ST13: variants seen among roughly 807,000 people sequenced by gnomAD.
ST13 encodes the protein hsc70-interacting protein.
A neutral mutation model predicts 56.7 loss-of-function variants in ST13; 23 were observed. The ratio of observed to expected loss-of-function variants is 0.41; its 90% CI spans 0.29 to 0.57. The LOEUF (loss-of-function observed/expected upper bound fraction) is 0.57. Among genes scored for constraint, ST13 ranks in the 20% least tolerant of loss-of-function variants. The probability of loss-of-function intolerance (pLI) is 0.36; values close to 1 mark genes in which losing one functional copy is unlikely to be tolerated. For missense variants in ST13, 369 were observed against 459.9 expected, an observed-to-expected ratio of 0.80 and a Z score of 1.81; for synonymous variants, 132 against 142.4, an observed-to-expected ratio of 0.93 and a Z score of 0.52.
intron 11 of ST13, 145 bp from the exon 12 acceptor site, chr22:40,826,811 A>C (rs2057730755): frequency 1.4e-5 from 14 of 996,318 alleles, no homozygotes; most frequent in Admixed American, 2.7e-5. Flanking sequence ...AAGTATCAAA[A>C]TCAAGCTGAA....
At chr22:40,843,261 A>T (rs570589235) in intron 4 of ST13, among the ~76,000 whole-genome samples, 45 of 152,354 alleles carry the variant, frequency 3.0e-4, no homozygotes, top group African/African-American at 1.1e-3. Context: ...CCCGAACTTG[A>T]TTTAGATTTA....
At chr22:40,855,379 T>C (rs562939874) in intron 1 of ST13, among the ~76,000 whole-genome samples, 15 of 152,312 alleles carry the variant, frequency 9.8e-5, no homozygotes, top group Admixed American at 5.9e-4. Flanking sequence ...TGCCCAGGAA[T>C]TGGAGGCTGC....
chr22:40,842,871 G>A (rs1424752107), intron 4 of ST13, among the ~76,000 whole-genome samples: 2 of 152,182 alleles, frequency 1.3e-5, no homozygotes, highest in Non-Finnish European at 2.9e-5. Context: ...CAAGACTTAC[G>A]TCAGGTGCAG....
intron 7 of ST13, 156 bp downstream of exon 7, chr22:40,835,404 A>G (rs2057772479): frequency 9.6e-6 from 5 of 520,592 alleles, no homozygotes; most frequent in Non-Finnish European, 1.7e-5. Context: ...CCTTTTAAGC[A>G]GCTGTCTACA....
At chr22:40,846,022 T>C (rs9607748) in intron 3 of ST13, among the ~76,000 whole-genome samples, 5,432 of 152,242 alleles carry the variant, frequency 0.036, 134 homozygotes, top group Non-Finnish European at 0.055. Flanking sequence ...CCGTAACCTC[T>C]GCCTCCCAGG....
Position 40,844,744 on chromosome 22 carries a change from C to T in ST13, c.315+95G>A, listed in dbSNP as rs139472990. The T allele has an allele frequency of 2.4e-5, 25 of 1,046,664 alleles. No individual in the cohort carries two copies. In the African/African-American group the frequency reaches 2.7e-4, roughly 11 times the overall value. 64.8% of individuals were successfully genotyped at this position (1,046,664 alleles called of 1,614,324 possible). Reference sequence around the variant, plus strand: ...TGAAGTCAGAGAAAGATTTACTATGCGCTTTTCCTGGAAGAATCGTGTCAT... The same window carrying T: ...TGAAGTCAGAGAAAGATTTACTATGTGCTTTTCCTGGAAGAATCGTGTCAT... On this transcript the variant is annotated intron_variant, in intron 4 of 11. Transcript: ENST00000216218.
intron 2 of ST13, among the ~76,000 whole-genome samples, chr22:40,849,991 A>C (rs1689808601): frequency 6.6e-6 from 1 of 151,832 alleles, no homozygotes; most frequent in Non-Finnish European, 1.5e-5. Context: ...TGGGCCAGGC[A>C]TGGTGGCTCA....
At position 40,856,329 on chromosome 22, in the gene ST13, C is replaced by A. The variant is rs1020412840; in HGVS notation, c.110+102G>T. Reference sequence around the variant, plus strand: ...CTCCCTTTCCCGGGCAAAGAAGGGGCAGCGACCCCGCCTCGCCCGCCGGAC... The same window carrying A: ...CTCCCTTTCCCGGGCAAAGAAGGGGAAGCGACCCCGCCTCGCCCGCCGGAC... On this transcript the variant is annotated intron_variant, in intron 1 of 11. Transcript: ENST00000216218. 150 of 1,015,434 alleles carry A rather than the reference C, an allele frequency of 1.5e-4. 1 individual carries two copies. In the Admixed American group the frequency reaches 2.8e-3, roughly 19 times the overall value. The allele number at this position is 1,015,434 out of a possible 1,614,324, so 62.9% of individuals were successfully genotyped here. A position where few individuals can be genotyped will look rare whatever the true frequency, so the allele number is the denominator to read the frequency against.
At chr22:40,842,090 A>C (rs1012567639) in intron 4 of ST13, among the ~76,000 whole-genome samples, 3 of 152,212 alleles carry the variant, frequency 2.0e-5, no homozygotes, top group African/African-American at 7.2e-5. Flanking sequence ...TTCCCCTGAA[A>C]ATTCAGAGCC....
chr22:40,855,358 A>G (rs1430298829), intron 1 of ST13, among the ~76,000 whole-genome samples: 1 of 152,192 alleles, frequency 6.6e-6, no homozygotes, highest in East Asian at 1.9e-4. Context: ...CTGATGCAGG[A>G]GGATCGCTTG....
intron 1 of ST13, among the ~76,000 whole-genome samples, chr22:40,851,986 G>A (rs760824642): frequency 1.7e-4 from 26 of 152,096 alleles, no homozygotes; most frequent in African/African-American, 5.8e-4. Flanking sequence ...CTCGTAATCC[G>A]CCAGCCTTGG....
Position 40,848,298 on chromosome 22 carries a change from ATCACTTTCC to A in ST13, c.231_239del (p.Glu77_Ser79del). ...AACTAACTACCGTCTCCTCACCTAGATCACTTTCCTCACTTGATGGTTCGTCTGCCTTTA... is the reference window on the plus strand; with the variant it reads ...AACTAACTACCGTCTCCTCACCTAGATCACTTGATGGTTCGTCTGCCTTTA... On this transcript the variant is annotated inframe_deletion, in exon 3 of 12. Coordinates refer to ENST00000216218, the MANE Select transcript of ST13 (RefSeq NM_003932.5). 1 of 1,612,064 alleles carries A rather than the reference ATCACTTTCC, an allele frequency of 6.2e-7. No homozygotes were observed.
Position 40,856,588 on chromosome 22 carries a change from G to C in ST13, c.-48C>G. ...CTGGGGGGGCTACGGCCCGGTTCCA[G>C]GCCCAGGCGCTGGCTCGGCGTGACC... On this transcript the variant is annotated 5_prime_UTR_variant, in exon 1 of 12. Transcript: ENST00000216218. 6.5e-7 allele frequency: 1 copy of C among 1,530,968 alleles called. No homozygotes were observed. The highest frequency in any genetic ancestry group is 9.0e-7 in the Non-Finnish European group (1 of 1,107,508). The allele number at this position is 1,530,968 out of a possible 1,614,324, so 94.8% of individuals were successfully genotyped here. A position where few individuals can be genotyped will look rare whatever the true frequency, so the allele number is the denominator to read the frequency against.
rs559117236 is a variant in ST13 at position 40,856,588 on chromosome 22, G to A, written c.-48C>T. The A allele has an allele frequency of 3.9e-6, 6 of 1,530,968 alleles. No homozygotes were observed. The African/African-American group carries it at 6.8e-5, about 17-fold the overall frequency. The allele number at this position is 1,530,968 out of a possible 1,614,324, so 94.8% of individuals were successfully genotyped here. The stretch of plus-strand genomic sequence containing the variant: ...CTGGGGGGGCTACGGCCCGGTTCCA[G>A]GCCCAGGCGCTGGCTCGGCGTGACC... On this transcript the variant is annotated 5_prime_UTR_variant, in exon 1 of 12. Transcript: ENST00000216218.
chr22:40,839,175 T>G (rs1038809878), intron 5 of ST13, among the ~76,000 whole-genome samples: 1 of 152,192 alleles, frequency 6.6e-6, no homozygotes, highest in Non-Finnish European at 1.5e-5. Context: ...TATAAAACAG[T>G]ATAAACATGT....
intron 2 of ST13, 36 bp downstream of exon 2, chr22:40,850,787 T>G (rs770477707): frequency 2.6e-6 from 4 of 1,517,898 alleles, no homozygotes. Flanking sequence ...CTTATAGTAC[T>G]TTATCACAAA....
At chr22:40,831,339 G>A (rs868524787) in intron 8 of ST13, among the ~76,000 whole-genome samples, 4 of 152,276 alleles carry the variant, frequency 2.6e-5, no homozygotes, top group South Asian at 2.1e-4. Flanking sequence ...GTCTGCCGTG[G>A]GAAGGCAGAG....
chr22:40,842,992 T>C (rs2057811848), intron 4 of ST13, among the ~76,000 whole-genome samples: 1 of 152,156 alleles, frequency 6.6e-6, no homozygotes, highest in South Asian at 2.1e-4. Flanking sequence ...TGGTGGTGCA[T>C]GACTATAGTC....
chr22:40,847,847 G>T (rs746643618), intron 3 of ST13, among the ~76,000 whole-genome samples: 2 of 152,052 alleles, frequency 1.3e-5, no homozygotes, highest in African/African-American at 4.8e-5. Flanking sequence ...AGGAGTTCGA[G>T]GCCAGCCTTG....
Sources: allele counts gnomAD v4.1 joint callset (sites outside exome capture counted in the v4.1 genomes callset), GRCh38; gene constraint gnomAD v4.1.1; transcripts MANE v1.5; gene names NCBI Gene and HGNC (gene_info 2026-07-23, HGNC 2026-07-21).